DIAPH3: variants seen among roughly 807,000 people sequenced by gnomAD.
DIAPH3 encodes diaphanous related formin 3.
DIAPH3 carries 117 observed loss-of-function variants against 144.3 expected under a neutral mutation model. The ratio of observed to expected loss-of-function variants is 0.81; its 90% CI spans 0.70 to 0.95. The LOEUF is 0.95. DIAPH3 is among the 40% of genes least tolerant of loss of function. The pLI, the probability that DIAPH3 is intolerant of heterozygous loss-of-function variation, is 0.00. For missense variants in DIAPH3, 1,421 were observed against 1,412.7 expected (o/e 1.01, Z -0.09); for synonymous variants, 519 against 488.9 (o/e 1.06, Z -0.81).
chr13:60,011,973 AT>A (rs1298266008), intron 7 of DIAPH3, among the ~76,000 whole-genome samples: 1 of 152,162 alleles, frequency 6.6e-6, no homozygotes, highest in African/African-American at 2.4e-5. Context: ...AAACAGTACT[AT>A]TTATCTAGCA....
At chr13:59,966,327 C>T (rs1448990902) in intron 17 of DIAPH3, among the ~76,000 whole-genome samples, 1 of 151,878 alleles carries the variant, frequency 6.6e-6, no homozygotes, top group Admixed American at 6.6e-5. Context: ...AGAGCCAAGC[C>T]CTTACCAAGA....
In DIAPH3 at chr13:59,686,320, C is replaced by T. The variant is rs533187725; in HGVS notation, c.3320-19474G>A. 6.6e-5 allele frequency among the ~76,000 whole-genome samples: 10 copies of T among 152,008 alleles called. No individual in the cohort carries two copies. The East Asian group carries it at 1.9e-3, about 29-fold the overall frequency. On this transcript the variant is annotated intron_variant, in intron 27 of 27. Transcript: ENST00000400324. Reference sequence around the variant, plus strand: ...CTGTAAATTTGCCAGTTACTACAGGCCTTATTTAGTACCTTAGAGATGTCA... The same window carrying T: ...CTGTAAATTTGCCAGTTACTACAGGTCTTATTTAGTACCTTAGAGATGTCA...
At chr13:60,003,559 A>G (rs1175331862) in intron 9 of DIAPH3, among the ~76,000 whole-genome samples, 1 of 150,288 alleles carries the variant, frequency 6.7e-6, no homozygotes, top group African/African-American at 2.4e-5. Flanking sequence ...ATATAGATAG[A>G]TAGATAGATA....
Position 59,913,697 on chromosome 13 carries a change from G to A in DIAPH3, c.2266-1861C>T, listed in dbSNP as rs150206089. On this transcript the variant is annotated intron_variant, in intron 19 of 27. Coordinates refer to ENST00000400324, the MANE Select transcript of DIAPH3 (RefSeq NM_001042517.2). ...TATACAGCCGGGCATGGTGGCTCAC[G>A]CCTTTAATCCAGCACTTTGAGAGAC... 2.8e-3 allele frequency among the ~76,000 whole-genome samples: 420 copies of A among 152,188 alleles called. 2 individuals are homozygous for A. The highest frequency in any genetic ancestry group is 4.5e-3 in the Non-Finnish European group (304 of 67,984).
At chr13:59,910,041 G>C (rs2151502) in intron 20 of DIAPH3, among the ~76,000 whole-genome samples, 1 of 152,024 alleles carries the variant, frequency 6.6e-6, no homozygotes, top group African/African-American at 2.4e-5. Context: ...TACTATAATG[G>C]TAGGCAACAT....
At chr13:59,880,054 T>C (rs1478755366) in intron 20 of DIAPH3, among the ~76,000 whole-genome samples, 1 of 152,098 alleles carries the variant, frequency 6.6e-6, no homozygotes, top group East Asian at 1.9e-4. Context: ...GAATCAGAGT[T>C]AGGAAACATG....
chr13:59,888,571 A>T (rs2045592990), intron 20 of DIAPH3, among the ~76,000 whole-genome samples: 1 of 152,084 alleles, frequency 6.6e-6, no homozygotes, highest in Admixed American at 6.6e-5. Context: ...ATACATCTTA[A>T]TGTATCAATC....
intron 19 of DIAPH3, among the ~76,000 whole-genome samples, chr13:59,912,435 G>C (rs2047039734): frequency 6.6e-6 from 1 of 152,120 alleles, no homozygotes; most frequent in African/African-American, 2.4e-5. Context: ...CATGATGATT[G>C]ATATACCTTG....
chr13:59,834,012 T>C (rs1295386198), intron 23 of DIAPH3, among the ~76,000 whole-genome samples: 1 of 151,114 alleles, frequency 6.6e-6, no homozygotes. Flanking sequence ...GGTATATAAT[T>C]TCTTTATGCA....
chr13:59,878,384 A>G (rs2044767722), intron 21 of DIAPH3, among the ~76,000 whole-genome samples: 1 of 152,204 alleles, frequency 6.6e-6, no homozygotes, highest in Admixed American at 6.5e-5. Flanking sequence ...TAGAATAAGC[A>G]TGCAGTAAAC....
chr13:59,900,930 T>C (rs1416085614), intron 20 of DIAPH3, among the ~76,000 whole-genome samples: 2 of 152,214 alleles, frequency 1.3e-5, no homozygotes, highest in South Asian at 2.1e-4. Context: ...GAGTTATTCA[T>C]GATTCCTCCT....
At chr13:60,053,109 T>C (rs1182611344) in intron 4 of DIAPH3, among the ~76,000 whole-genome samples, 1 of 151,408 alleles carries the variant, frequency 6.6e-6, no homozygotes. Flanking sequence ...AACACAGGTA[T>C]AGAAAAAAAG....
At chr13:59,882,754 C>A (rs1226549654) in intron 20 of DIAPH3, among the ~76,000 whole-genome samples, 1 of 152,150 alleles carries the variant, frequency 6.6e-6, no homozygotes, top group African/African-American at 2.4e-5. Context: ...TTCATTTTTA[C>A]AGTTATCCTT....
intron 27 of DIAPH3, among the ~76,000 whole-genome samples, chr13:59,735,716 C>T (rs1173880555): frequency 1.3e-5 from 2 of 152,118 alleles, no homozygotes; most frequent in Non-Finnish European, 2.9e-5. Context: ...GCACGGGATC[C>T]TGTCAAAGAG....
At chr13:59,822,318 G>A (rs1424357026) in intron 24 of DIAPH3, among the ~76,000 whole-genome samples, 1 of 152,168 alleles carries the variant, frequency 6.6e-6, no homozygotes, top group South Asian at 2.1e-4. Flanking sequence ...GGCAGCCATA[G>A]TGTGCTTAAA....
intron 22 of DIAPH3, among the ~76,000 whole-genome samples, chr13:59,856,650 T>G (rs1297859992): frequency 6.6e-6 from 1 of 152,100 alleles, no homozygotes; most frequent in African/African-American, 2.4e-5. Context: ...TCATTTTAAC[T>G]CTCCTCTCTT....
At chr13:60,002,385 C>A (rs1011822850) in intron 9 of DIAPH3, among the ~76,000 whole-genome samples, 1 of 152,162 alleles carries the variant, frequency 6.6e-6, no homozygotes, top group Admixed American at 6.5e-5. Context: ...ATTCCCTATG[C>A]TCAAGGTTTC....
intron 9 of DIAPH3, among the ~76,000 whole-genome samples, chr13:60,002,786 C>T (rs2052600454): frequency 1.3e-5 from 2 of 152,014 alleles, no homozygotes; most frequent in Admixed American, 1.3e-4. Context: ...GTTTTGGTTC[C>T]CTTCCAAAAA....
chr13:60,120,378 A>G (rs2058816233), intron 2 of DIAPH3, among the ~76,000 whole-genome samples: 1 of 152,306 alleles, frequency 6.6e-6, no homozygotes, highest in Admixed American at 6.5e-5. Context: ...CATCCGATCA[A>G]CTGCATTCTG....
Sources: gnomAD v4.1 joint callset for allele counts (sites outside exome capture counted in the v4.1 genomes callset) on GRCh38, gnomAD v4.1.1 for gene constraint, MANE v1.5 for transcripts, NCBI Gene and HGNC (gene_info 2026-07-23, HGNC 2026-07-21) for gene names.